Variants in ZRANB3 observed in about 807,000 individuals in gnomAD.
ZRANB3 encodes the protein DNA annealing helicase and endonuclease ZRANB3.
A neutral mutation model predicts 133.8 loss-of-function variants in ZRANB3; 125 were observed. That is an observed-to-expected ratio of 0.93 (90% CI 0.81 to 1.08). ZRANB3 has a LOEUF of 1.08. Among genes scored for constraint, ZRANB3 ranks in the 50% least tolerant of loss-of-function variants. The pLI, the probability that ZRANB3 is intolerant of heterozygous loss-of-function variation, is 0.00. For missense variants in ZRANB3, 1,229 were observed against 1,275.5 expected, an observed-to-expected ratio of 0.96 and a Z score of 0.56; for synonymous variants, 387 against 432.7, an observed-to-expected ratio of 0.89 and a Z score of 1.31.
intron 2 of ZRANB3, among the ~76,000 whole-genome samples, chr2:135,485,084 T>C (rs780942667): frequency 2.6e-5 from 4 of 151,630 alleles, no homozygotes; most frequent in Non-Finnish European, 5.9e-5. Flanking sequence ...CCCCAATAAC[T>C]GAGGGAGTAT....
At chr2:135,434,325 T>C (rs1357152708) in intron 2 of ZRANB3, among the ~76,000 whole-genome samples, 6 of 152,198 alleles carry the variant, frequency 3.9e-5, no homozygotes, top group Non-Finnish European at 1.5e-5. Context: ...CAAAGTCAAA[T>C]GGCTGCCCAC....
At chr2:135,273,242 A>G (rs916392390) in intron 9 of ZRANB3, among the ~76,000 whole-genome samples, 6 of 152,036 alleles carry the variant, frequency 3.9e-5, no homozygotes, top group African/African-American at 1.2e-4. Context: ...TCTAAAAATG[A>G]TAACTCCTAA....
intron 12 of ZRANB3, among the ~76,000 whole-genome samples, chr2:135,257,820 C>A (rs1270684199): frequency 6.6e-6 from 1 of 152,162 alleles, no homozygotes; most frequent in African/African-American, 2.4e-5. Context: ...CTCTAATGCA[C>A]CTAGTATGGA....
chr2:135,238,680 C>G (rs568059575), intron 12 of ZRANB3: 1 of 152,514 alleles, frequency 6.6e-6, no homozygotes, highest in South Asian at 2.1e-4. Context: ...TGTGTGACTT[C>G]TGAGGCTAGG....
In ZRANB3 at chr2:135,271,752, A is replaced by C. The variant is rs748855789; in HGVS notation, c.1206+16T>G. The C allele has an allele frequency of 6.2e-7, 1 of 1,600,840 alleles. No individual in the cohort carries two copies. Among genetic ancestry groups the C allele is most frequent in the African/African-American group, 1.3e-5 (1 of 74,360 alleles). On this transcript the variant is annotated intron_variant, in intron 10 of 20. Transcript: ENST00000264159. ...AATGACATTTCATAACCAAATTTAGACTTGAAATTTCTTACCTGGCCAGCA... is the reference window on the plus strand; with the variant it reads ...AATGACATTTCATAACCAAATTTAGCCTTGAAATTTCTTACCTGGCCAGCA...
chr2:135,343,643 A>G lies in ZRANB3; in HGVS notation c.677+1907T>C, dbSNP rs529411796. Among the ~76,000 whole-genome samples the G allele has an allele frequency of 2.7e-5, 4 of 150,224 alleles. No individual in the cohort carries two copies. The South Asian group carries it at 6.2e-4, about 23-fold the overall frequency. The stretch of plus-strand genomic sequence containing the variant: ...AACATGAGAGACTCATATCACATAT[A>G]AAGAGATTATTTTTGTAATATATGA... On this transcript the variant is annotated intron_variant, in intron 6 of 20. Coordinates refer to ENST00000264159, the MANE Select transcript of ZRANB3 (RefSeq NM_032143.4).
intron 12 of ZRANB3, among the ~76,000 whole-genome samples, chr2:135,253,226 A>G (rs1176933621): frequency 2.0e-5 from 3 of 152,222 alleles, no homozygotes; most frequent in Non-Finnish European, 2.9e-5. Flanking sequence ...AGGTGGTGGT[A>G]GGGCCTGCCA....
At chr2:135,403,666 C>A (rs141034377) in intron 2 of ZRANB3, among the ~76,000 whole-genome samples, 2,546 of 152,180 alleles carry the variant, frequency 0.017, 57 homozygotes, top group Admixed American at 0.048. Flanking sequence ...CAAGTGGGTC[C>A]CTGACCACCG....
chr2:135,239,558 GGCT>G (rs1380735728), intron 12 of ZRANB3, among the ~76,000 whole-genome samples: 1 of 152,080 alleles, frequency 6.6e-6, no homozygotes, highest in Non-Finnish European at 1.5e-5. Context: ...TATTTTGCAT[GGCT>G]GCTAATTTAT....
At chr2:135,385,138 CAA>C (rs1442945006) in intron 3 of ZRANB3, among the ~76,000 whole-genome samples, 3 of 152,204 alleles carry the variant, frequency 2.0e-5, no homozygotes, top group Non-Finnish European at 2.9e-5. Flanking sequence ...GCAACTTCAG[CAA>C]AGTCTCAGAA....
intron 2 of ZRANB3, among the ~76,000 whole-genome samples, chr2:135,501,349 A>AT (rs1368899629): frequency 2.0e-5 from 3 of 152,184 alleles, no homozygotes; most frequent in African/African-American, 7.2e-5. Context: ...GTTTCTGAAC[A>AT]TAAGTCCTTC....
At chr2:135,257,260 T>C (rs1239336747) in intron 12 of ZRANB3, among the ~76,000 whole-genome samples, 2 of 152,236 alleles carry the variant, frequency 1.3e-5, no homozygotes, top group Non-Finnish European at 2.9e-5. Flanking sequence ...TTGCATGAGA[T>C]CCAATAACCT....
At chr2:135,304,228 T>C (rs1418035756) in intron 8 of ZRANB3, among the ~76,000 whole-genome samples, 1 of 152,190 alleles carries the variant, frequency 6.6e-6, no homozygotes, top group Admixed American at 6.5e-5. Context: ...TGATGTTAGA[T>C]GTAAGTTTTC....
intron 2 of ZRANB3, among the ~76,000 whole-genome samples, chr2:135,496,540 AT>A (rs1692679640): frequency 6.6e-6 from 1 of 152,188 alleles, no homozygotes; most frequent in African/African-American, 2.4e-5. Flanking sequence ...AAATATGCAA[AT>A]AAGTATGACT....
chr2:135,346,089 T>C (rs188834085), intron 5 of ZRANB3, among the ~76,000 whole-genome samples: 1 of 152,240 alleles, frequency 6.6e-6, no homozygotes, highest in East Asian at 1.9e-4. Flanking sequence ...ATTTCTAGCT[T>C]TTGTTTTGTT....
chr2:135,326,979 C>A (rs1453167625), intron 6 of ZRANB3, among the ~76,000 whole-genome samples: 3 of 146,568 alleles, frequency 2.0e-5, no homozygotes, highest in Non-Finnish European at 4.5e-5. Context: ...AGATAAAATA[C>A]AATCTCTAGG....
chr2:135,330,477 G>A lies in ZRANB3; in HGVS notation c.678-14947C>T, dbSNP rs560075775. Among the ~76,000 whole-genome samples the A allele has an allele frequency of 1.4e-4, 22 of 152,160 alleles. No individual in the cohort carries two copies. The South Asian group carries it at 1.9e-3, about 13-fold the overall frequency. ...TGCCAGTATTTTATTAAGGATTTTC[G>A]CATCGATGTTCATCAGGGATATTCA... On this transcript the variant is annotated intron_variant, in intron 6 of 20. Coordinates refer to ENST00000264159, the MANE Select transcript of ZRANB3 (RefSeq NM_032143.4).
chr2:135,489,418 C>G (rs1307373870), intron 2 of ZRANB3, among the ~76,000 whole-genome samples: 2 of 151,198 alleles, frequency 1.3e-5, no homozygotes, highest in Non-Finnish European at 2.9e-5. Context: ...TGTAACTAAC[C>G]TGCACATTGT....
At chr2:135,287,520 T>C (rs1681438954) in intron 8 of ZRANB3, among the ~76,000 whole-genome samples, 1 of 152,144 alleles carries the variant, frequency 6.6e-6, no homozygotes, top group Non-Finnish European at 1.5e-5. Flanking sequence ...GCCATATGGT[T>C]ATTTTCACAA....
Sources: allele counts gnomAD v4.1 joint callset (sites outside exome capture counted in the v4.1 genomes callset), GRCh38; gene constraint gnomAD v4.1.1; transcripts MANE v1.5; gene names NCBI Gene and HGNC (gene_info 2026-07-23, HGNC 2026-07-21).